CHSY3: variants seen among roughly 807,000 people sequenced by gnomAD.
CHSY3 encodes chondroitin sulfate synthase 3.
In CHSY3, 35 loss-of-function variants were observed where a neutral mutation model predicts 67.2. The ratio of observed to expected loss-of-function variants is 0.52; its 90% CI spans 0.40 to 0.69. The LOEUF (loss-of-function observed/expected upper bound fraction) is 0.69, where lower values mean the gene tolerates loss of function less well. Ranked by LOEUF, CHSY3 falls within the 30% of genes least tolerant of loss-of-function variation. The pLI is 0.00. For missense variants in CHSY3, 1,069 were observed against 1,138.5 expected (o/e 0.94, Z 0.88); for synonymous variants, 474 against 434.7 (o/e 1.09, Z -1.12).
chr5:129,934,529 G>T (rs886839697), intron 2 of CHSY3, among the ~76,000 whole-genome samples: 2 of 152,152 alleles, frequency 1.3e-5, no homozygotes, highest in African/African-American at 4.8e-5. Context: ...CTGTGATTAT[G>T]ATAGCCTATT....
At chr5:130,003,130 A>C (rs2149640545) in intron 2 of CHSY3, among the ~76,000 whole-genome samples, 1 of 152,242 alleles carries the variant, frequency 6.6e-6, no homozygotes, top group East Asian at 1.9e-4. Flanking sequence ...TGTTGGCGAT[A>C]GTGTTGTTGC....
At chr5:129,967,542 C>A (rs1030339488) in intron 2 of CHSY3, among the ~76,000 whole-genome samples, 2 of 151,678 alleles carry the variant, frequency 1.3e-5, no homozygotes, top group Non-Finnish European at 2.9e-5. Flanking sequence ...CTCTGAAAAC[C>A]CTCCTAATTA....
chr5:130,145,124 A>C (rs1159112153), intron 2 of CHSY3, among the ~76,000 whole-genome samples: 8 of 152,088 alleles, frequency 5.3e-5, no homozygotes, highest in Non-Finnish European at 7.4e-5. Flanking sequence ...CCACCCACAC[A>C]ACCCAGTCAC....
rs34958818 is a variant in CHSY3, at chr5:129,990,377, AGT to A, written c.1086+82044_1086+82045del. ...GGGGCTGAAGTGGTGTGAGTGAGTG[AGT>A]GTGTGTGTGTGTGTGTGTGTGTGTG... is the stretch of plus-strand genomic sequence containing the variant. On this transcript the variant is annotated intron_variant, in intron 2 of 2. Transcript: ENST00000305031. Among the ~76,000 whole-genome samples, 756 of 147,528 alleles carry A rather than the reference AGT, an allele frequency of 5.1e-3. 5 individuals are homozygous for A. The highest frequency in any genetic ancestry group is 8.9e-3 in the South Asian group (41 of 4,584).
chr5:130,180,470 C>T (rs1412536493), intron 2 of CHSY3, among the ~76,000 whole-genome samples: 1 of 152,116 alleles, frequency 6.6e-6, no homozygotes, highest in East Asian at 1.9e-4. Context: ...TACAAATTTT[C>T]CATTGCTCCA....
intron 2 of CHSY3, among the ~76,000 whole-genome samples, chr5:130,025,896 T>G (rs1023931800): frequency 7.9e-5 from 12 of 152,302 alleles, no homozygotes; most frequent in African/African-American, 2.6e-4. Flanking sequence ...AGATATCATC[T>G]GGTTTGTGCG....
At chr5:130,057,852 C>G (rs1477037839) in intron 2 of CHSY3, among the ~76,000 whole-genome samples, 1 of 152,118 alleles carries the variant, frequency 6.6e-6, no homozygotes, top group Non-Finnish European at 1.5e-5. Context: ...TCTCCCACCT[C>G]CTTTCAACCT....
In CHSY3 at chr5:130,184,588, C is replaced by G; in HGVS notation, c.1446C>G (p.Pro482=). The G allele has an allele frequency of 1.9e-6, 3 of 1,612,382 alleles. No individual in the cohort carries two copies. Among genetic ancestry groups the G allele is most frequent in the Non-Finnish European group, 2.5e-6 (3 of 1,178,434 alleles). ...KLLYSAAENQ[P]PRQSLSSILR... ...TATACTCAGCAGCTGAGAACCAGCC[C>G]CCTCGACAGAGCCTCAGTAGCATTT... The change falls in exon 3 of 3, where the codon CCC becomes CCG. Residue 482 remains proline, a synonymous_variant. Coordinates refer to ENST00000305031, the MANE Select transcript of CHSY3 (RefSeq NM_175856.5).
At chr5:129,968,554 A>T (rs1417765020) in intron 2 of CHSY3, among the ~76,000 whole-genome samples, 1 of 151,772 alleles carries the variant, frequency 6.6e-6, no homozygotes, top group Non-Finnish European at 1.5e-5. Context: ...TATTGATTCC[A>T]CTTTTGATGT....
Position 129,909,654 on chromosome 5 carries a change from T to TA in CHSY3, c.1086+1299dup, listed in dbSNP as rs1342950851. Reference sequence around the variant, plus strand: ...CTACCCTTTAGGATAAAAATTTATGTAAAAACATTACAGTTTAGAGACAGG... The same window carrying TA: ...CTACCCTTTAGGATAAAAATTTATGTAAAAAACATTACAGTTTAGAGACAGG... On this transcript the variant is annotated intron_variant, in intron 2 of 2. Coordinates refer to ENST00000305031, the MANE Select transcript of CHSY3 (RefSeq NM_175856.5). Among the ~76,000 whole-genome samples, 7 of 152,132 alleles carry TA rather than the reference T, an allele frequency of 4.6e-5. No homozygotes were observed. In the East Asian group the frequency reaches 1.3e-3, roughly 29 times the overall value.
At chr5:130,096,293 T>C (rs1387029401) in intron 2 of CHSY3, among the ~76,000 whole-genome samples, 16 of 152,210 alleles carry the variant, frequency 1.1e-4, no homozygotes, top group Admixed American at 1.0e-3. Context: ...TGCCTCAGTC[T>C]TCCGAGTAGC....
At chr5:130,055,271 GC>G (rs754085433) in intron 2 of CHSY3, among the ~76,000 whole-genome samples, 1 of 129,752 alleles carries the variant, frequency 7.7e-6, no homozygotes, top group Non-Finnish European at 1.6e-5. Context: ...CTTAGAATTT[GC>G]CCCTTGTAAA....
At chr5:130,014,142 A>G (rs937342555) in intron 2 of CHSY3, among the ~76,000 whole-genome samples, 1 of 152,166 alleles carries the variant, frequency 6.6e-6, no homozygotes, top group Non-Finnish European at 1.5e-5. Flanking sequence ...CCATATCACT[A>G]TCAGCATTTT....
chr5:129,967,757 T>C (rs1403361148), intron 2 of CHSY3, among the ~76,000 whole-genome samples: 4 of 151,838 alleles, frequency 2.6e-5, no homozygotes, highest in African/African-American at 7.2e-5. Flanking sequence ...AACCTGACCA[T>C]GTCCACAGAC....
chr5:129,975,968 C>A (rs1314188512), intron 2 of CHSY3, among the ~76,000 whole-genome samples: 1 of 152,066 alleles, frequency 6.6e-6, no homozygotes, highest in East Asian at 1.9e-4. Flanking sequence ...GTTCAGTAAG[C>A]AGTTGTGTTC....
intron 2 of CHSY3, among the ~76,000 whole-genome samples, chr5:130,158,224 C>A (rs1193364558): frequency 6.6e-6 from 1 of 152,160 alleles, no homozygotes; most frequent in Non-Finnish European, 1.5e-5. Context: ...CTTATTTTAT[C>A]CAGCCCCTAT....
chr5:130,029,347 C>T lies in CHSY3; in HGVS notation c.1086+120987C>T, dbSNP rs114410336. Among the ~76,000 whole-genome samples the T allele has an allele frequency of 4.1e-3, 626 of 152,166 alleles. 4 individuals carry two copies. Among genetic ancestry groups the T allele is most frequent in the African/African-American group, 0.014 (594 of 41,514 alleles). ...ACATTTTTAAGTGTTAAGAACTATG[C>T]TATCCTCATTCAACAAATCAGGAAA... On this transcript the variant is annotated intron_variant, in intron 2 of 2. Coordinates refer to ENST00000305031, the MANE Select transcript of CHSY3 (RefSeq NM_175856.5).
chr5:129,925,030 A>T (rs1307400009), intron 2 of CHSY3, among the ~76,000 whole-genome samples: 1 of 152,122 alleles, frequency 6.6e-6, no homozygotes, highest in African/African-American at 2.4e-5. Context: ...TTATATTTTC[A>T]TGGAGGGAGA....
At chr5:130,121,611 G>A (rs1768027280) in intron 2 of CHSY3, among the ~76,000 whole-genome samples, 1 of 152,054 alleles carries the variant, frequency 6.6e-6, no homozygotes, top group Admixed American at 6.5e-5. Context: ...TAATATTTGT[G>A]TACTCTGAGA....
Sources: allele counts gnomAD v4.1 joint callset (sites outside exome capture counted in the v4.1 genomes callset), GRCh38; gene constraint gnomAD v4.1.1; transcripts MANE v1.5; gene names NCBI Gene and HGNC (gene_info 2026-07-23, HGNC 2026-07-21).